The following ATP11B variants were observed in gnomAD, a reference collection of about 807,000 sequenced individuals.
The protein encoded by ATP11B is phospholipid-transporting ATPase IF.
ATP11B carries 81 observed loss-of-function variants against 157.8 expected under a neutral mutation model. The observed-to-expected ratio is 0.51, with a 90% CI of 0.43 to 0.62. The LOEUF (loss-of-function observed/expected upper bound fraction) is 0.62, where lower values mean the gene tolerates loss of function less well. ATP11B is among the 20% of genes least tolerant of loss of function. The probability of loss-of-function intolerance (pLI) is 0.00; values close to 1 mark genes in which losing one functional copy is unlikely to be tolerated. For synonymous variants in ATP11B, 451 were observed against 469.4 expected (o/e 0.96, Z 0.51); for missense variants, 1,165 against 1,402.2 (o/e 0.83, Z 2.70).
At chr3:182,842,763 C>T (rs1031811970) in intron 8 of ATP11B, among the ~76,000 whole-genome samples, 7 of 152,104 alleles carry the variant, frequency 4.6e-5, no homozygotes, top group East Asian at 1.9e-4. Context: ...CCAGGGACCA[C>T]GGATGAAAAC....
chr3:182,798,798 A>C (rs1715795900), intron 1 of ATP11B, among the ~76,000 whole-genome samples: 1 of 152,200 alleles, frequency 6.6e-6, no homozygotes, highest in Non-Finnish European at 1.5e-5. Flanking sequence ...CTTAGTTTGG[A>C]AAAAGGATGT....
intron 28 of ATP11B, among the ~76,000 whole-genome samples, chr3:182,901,960 AGGT>A (rs897837503): frequency 3.9e-5 from 6 of 152,156 alleles, no homozygotes; most frequent in African/African-American, 1.4e-4. Flanking sequence ...TGGATGTTCT[AGGT>A]GGTCTAATCC....
chr3:182,868,056 A>G (rs1179142952), intron 15 of ATP11B, among the ~76,000 whole-genome samples: 4 of 152,090 alleles, frequency 2.6e-5, no homozygotes, highest in African/African-American at 9.7e-5. Flanking sequence ...TATGCTTTGA[A>G]TATTTCATCT....
At chr3:182,907,065 C>G (rs1445617097) in intron 28 of ATP11B, among the ~76,000 whole-genome samples, 1 of 150,480 alleles carries the variant, frequency 6.6e-6, no homozygotes, top group East Asian at 2.0e-4. Flanking sequence ...TGCACTCCAG[C>G]CTGAGCGACA....
At chr3:182,890,218 C>T (rs747133556) in intron 25 of ATP11B, among the ~76,000 whole-genome samples, 17 of 152,116 alleles carry the variant, frequency 1.1e-4, no homozygotes, top group African/African-American at 4.1e-4. Context: ...CGGGGCTTAA[C>T]TAAATGGGTT....
rs528734058 is a variant in ATP11B at position 182,848,687 on chromosome 3, T to C, written c.851+130T>C. The C allele has an allele frequency of 1.7e-4, 59 of 350,668 alleles. No individual in the cohort carries two copies. The East Asian group carries it at 4.0e-3, about 24-fold the overall frequency. 21.7% of individuals were successfully genotyped at this position (350,668 alleles called of 1,614,324 possible). A position where few individuals can be genotyped will look rare whatever the true frequency, so the allele number is the denominator to read the frequency against. ...GAAAACCTTGGGGACAGTGATAGTTTCTTATATTTTTACATACAAGTAACA... is the reference window on the plus strand; with the variant it reads ...GAAAACCTTGGGGACAGTGATAGTTCCTTATATTTTTACATACAAGTAACA... On this transcript the variant is annotated intron_variant, in intron 10 of 29. Coordinates refer to ENST00000323116, the MANE Select transcript of ATP11B (RefSeq NM_014616.3).
At chr3:182,835,367 A>C (rs540217964) in intron 4 of ATP11B, among the ~76,000 whole-genome samples, 1 of 152,316 alleles carries the variant, frequency 6.6e-6, no homozygotes, top group African/African-American at 2.4e-5. Context: ...ATGCTCTGTG[A>C]ATTTATACTT....
At chr3:182,908,549 A>G (rs1308860710) in intron 28 of ATP11B, 1 of 152,166 alleles carries the variant, frequency 6.6e-6, no homozygotes, top group East Asian at 1.9e-4. Context: ...AGAAATCCCT[A>G]AAAGACAGTA....
rs375942497 is a variant in ATP11B, at chr3:182,872,425, C to T, written c.1936C>T (p.Arg646Cys). 2.8e-5 allele frequency: 45 copies of T among 1,613,630 alleles called. No homozygotes were observed. The highest frequency in any genetic ancestry group is 1.3e-4 in the South Asian group (12 of 91,066). The change falls in exon 18 of 30, where the codon CGC (arginine) becomes TGC (cysteine). Residue 646 changes from arginine (R) to cysteine (C), a missense_variant. By Grantham distance (180) the Arg-to-Cys change is radical. This residue lies in a region of ATP11B where 737 missense variants were observed against 930.5 expected (regional missense o/e 0.79). Transcript: ENST00000323116. ...AAAAGAGTATGAGGAAATAGATAAA[C>T]GCATATTTGAAGCCAGGACTGCCTT... ...TSKEYEEIDK[R>C]IFEARTALQQ...
At chr3:182,819,082 T>TTC (rs1466808492) in intron 1 of ATP11B, among the ~76,000 whole-genome samples, 63 of 147,246 alleles carry the variant, frequency 4.3e-4, no homozygotes, top group African/African-American at 1.5e-3. Flanking sequence ...AATATTTCTT[T>TTC]TTTTTTTTTT....
intron 21 of ATP11B, among the ~76,000 whole-genome samples, chr3:182,882,977 C>G (rs920514240): frequency 1.6e-4 from 24 of 152,122 alleles, no homozygotes; most frequent in Non-Finnish European, 3.1e-4. Context: ...TTAAAATTGC[C>G]TGTCAGATTG....
chr3:182,800,047 C>A (rs550753748), intron 1 of ATP11B, among the ~76,000 whole-genome samples: 1 of 151,714 alleles, frequency 6.6e-6, no homozygotes, highest in East Asian at 1.9e-4. Flanking sequence ...GAGTTCAAGG[C>A]GGCAGTGAGC....
chr3:182,872,762 A>G (rs1721759555), intron 18 of ATP11B, among the ~76,000 whole-genome samples: 1 of 152,312 alleles, frequency 6.6e-6, no homozygotes, highest in Non-Finnish European at 1.5e-5. Context: ...GTTTTTTCTT[A>G]TAGGCTTGAA....
intron 10 of ATP11B, among the ~76,000 whole-genome samples, chr3:182,856,116 ACT>A (rs1720380422): frequency 6.6e-6 from 1 of 152,176 alleles, no homozygotes; most frequent in Non-Finnish European, 1.5e-5. Flanking sequence ...ACAGCAAAAA[ACT>A]GGAAACAGCC....
Position 182,897,364 on chromosome 3 carries a change from T to C in ATP11B, c.3110T>C (p.Ile1037Thr). ...INHLVTWGSI[I>T]FYFVFSLFYG... is the part of the protein sequence containing the mutation. The stretch of plus-strand genomic sequence containing the variant: ...CATCTCGTTACCTGGGGATCTATTA[T>C]ATTTTATTTTGTATTTTCCTTGTTT... Residue 1037 changes from isoleucine (I) to threonine (T), a missense_variant, in exon 27 of 30, where the codon ATA becomes ACA. Transcript: ENST00000323116. 1 of 1,592,862 alleles carries C rather than the reference T, an allele frequency of 6.3e-7. No homozygotes were observed. The highest frequency in any genetic ancestry group is 8.5e-7 in the Non-Finnish European group (1 of 1,173,826).
intron 19 of ATP11B, among the ~76,000 whole-genome samples, 196 bp from the exon 20 acceptor site, chr3:182,879,300 A>G (rs1722259307): frequency 6.6e-6 from 1 of 152,168 alleles, no homozygotes; most frequent in Admixed American, 6.5e-5. Context: ...TATCTGTTTT[A>G]CTCATCAGTG....
At chr3:182,916,747 C>G in intron 29 of ATP11B, 2 of 984,470 alleles carry the variant, frequency 2.0e-6, no homozygotes, top group Non-Finnish European at 2.4e-6. Context: ...GAGACTTTAC[C>G]TAATAAGATT....
At chr3:182,836,611 G>C (rs982320231) in intron 6 of ATP11B, 141 bp downstream of exon 6, 5 of 1,018,934 alleles carry the variant, frequency 4.9e-6, no homozygotes, top group Admixed American at 5.1e-5. Flanking sequence ...AAATAAAAAG[G>C]TTTTAAGAAA....
intron 3 of ATP11B, among the ~76,000 whole-genome samples, chr3:182,829,155 G>A (rs1318371126): frequency 6.6e-6 from 1 of 152,142 alleles, no homozygotes; most frequent in Non-Finnish European, 1.5e-5. Context: ...GAAATCACTA[G>A]CTAAGATGAA....
Sources: gnomAD v4.1 joint callset for allele counts (sites outside exome capture counted in the v4.1 genomes callset) on GRCh38, gnomAD v4.1.1 for gene constraint, gnomAD v4.1.1 regional missense constraint, MANE v1.5 for transcripts, NCBI Gene and HGNC (gene_info 2026-07-23, HGNC 2026-07-21) for gene names.